CADPS: variants seen among roughly 807,000 people sequenced by gnomAD.
CADPS encodes calcium dependent secretion activator, also known as calcium-dependent secretion activator 1.
CADPS carries 57 observed loss-of-function variants against 167.3 expected under a neutral mutation model. That is an observed-to-expected ratio of 0.34 (90% CI 0.28 to 0.42). The LOEUF (loss-of-function observed/expected upper bound fraction) is 0.42. CADPS is among the 20% of genes least tolerant of loss of function. CADPS has a pLI of 1.00. For missense variants in CADPS, 1,414 were observed against 1,738.1 expected (o/e 0.81, Z 3.32); for synonymous variants, 676 against 635.3 (o/e 1.06, Z -0.96).
chr3:62,513,429 C>T (rs2068294145), intron 16 of CADPS, among the ~76,000 whole-genome samples: 1 of 151,884 alleles, frequency 6.6e-6, no homozygotes, highest in South Asian at 2.1e-4. Context: ...GAGTTTATCA[C>T]AAACAAATGG....
chr3:62,845,026 G>T (rs1488746669), intron 1 of CADPS, among the ~76,000 whole-genome samples: 2 of 152,184 alleles, frequency 1.3e-5, no homozygotes, highest in Non-Finnish European at 2.9e-5. Flanking sequence ...ACGGAAACTC[G>T]TCATCACAGG....
chr3:62,837,779 G>A (rs981103425), intron 1 of CADPS, among the ~76,000 whole-genome samples: 2 of 152,160 alleles, frequency 1.3e-5, no homozygotes, highest in Non-Finnish European at 2.9e-5. Context: ...TAGCTGAGTT[G>A]ACTTGGGGTA....
chr3:62,595,097 T>C (rs1211652346), intron 6 of CADPS, among the ~76,000 whole-genome samples: 1 of 152,124 alleles, frequency 6.6e-6, no homozygotes, highest in Non-Finnish European at 1.5e-5. Context: ...TAAATCCTAT[T>C]AACTCAAAGA....
At chr3:62,841,522 T>C (rs897878165) in intron 1 of CADPS, among the ~76,000 whole-genome samples, 2 of 152,042 alleles carry the variant, frequency 1.3e-5, no homozygotes, top group African/African-American at 4.8e-5. Flanking sequence ...TCAAGACCAG[T>C]CTAGGCAACA....
chr3:62,748,519 G>C (rs1044726332), intron 3 of CADPS, among the ~76,000 whole-genome samples: 4 of 152,036 alleles, frequency 2.6e-5, no homozygotes, highest in African/African-American at 9.7e-5. Flanking sequence ...TGGTACAACT[G>C]AGAATCAAAT....
intron 1 of CADPS, among the ~76,000 whole-genome samples, chr3:62,846,528 TAC>T (rs1279685976): frequency 1.3e-5 from 2 of 152,170 alleles, no homozygotes; most frequent in African/African-American, 4.8e-5. Context: ...TGGTCTGAAG[TAC>T]AGTCATGAGG....
chr3:62,583,155 GTCTC>G (rs61474581), intron 8 of CADPS, among the ~76,000 whole-genome samples: 2,150 of 147,248 alleles, frequency 0.015, 36 homozygotes, highest in South Asian at 0.042. Flanking sequence ...TACCCTCTTT[GTCTC>G]TCTCTCTCTC....
In CADPS at chr3:62,458,319, G is replaced by C. The variant is rs959863656; in HGVS notation, c.3636+7048C>G. On this transcript the variant is annotated intron_variant, in intron 26 of 29. Transcript: ENST00000383710. The surrounding 1 kb of genome is among the most constrained non-coding windows in gnomAD (Gnocchi z 4.6). Reference sequence around the variant, plus strand: ...CAGAAACGGTCAATAGCCTGCCTACGTTTCTGTTAGTCTGGGCTTCACAGT... The same window carrying C: ...CAGAAACGGTCAATAGCCTGCCTACCTTTCTGTTAGTCTGGGCTTCACAGT... Among the ~76,000 whole-genome samples the C allele has an allele frequency of 6.6e-6, 1 of 152,018 alleles. No homozygotes were observed. The highest frequency in any genetic ancestry group is 1.5e-5 in the Non-Finnish European group (1 of 68,010).
At chr3:62,531,971 T>C (rs2073796133) in intron 13 of CADPS, among the ~76,000 whole-genome samples, 1 of 152,188 alleles carries the variant, frequency 6.6e-6, no homozygotes, top group Non-Finnish European at 1.5e-5. Flanking sequence ...TCTGGGCTTG[T>C]ATATAAAACC....
intron 28 of CADPS, among the ~76,000 whole-genome samples, chr3:62,437,151 G>A (rs2055263663): frequency 6.6e-6 from 1 of 152,018 alleles, no homozygotes; most frequent in East Asian, 1.9e-4. Context: ...AGGAGCTCAC[G>A]TTTCACAAGA....
intron 6 of CADPS, among the ~76,000 whole-genome samples, chr3:62,632,643 T>C (rs2065503000): frequency 6.6e-6 from 1 of 152,130 alleles, no homozygotes; most frequent in Admixed American, 6.6e-5. Flanking sequence ...GGACTCACTG[T>C]AGGTTATTTC....
chr3:62,538,913 G>A (rs1382039686), intron 11 of CADPS, among the ~76,000 whole-genome samples: 1 of 152,064 alleles, frequency 6.6e-6, no homozygotes, highest in East Asian at 1.9e-4. Context: ...CCACCCCTCA[G>A]TCCATCACAA....
Position 62,433,666 on chromosome 3 carries a change from A to G in CADPS, c.3777+4438T>C, listed in dbSNP as rs970134287. On this transcript the variant is annotated intron_variant, in intron 28 of 29. Coordinates refer to ENST00000383710, the MANE Select transcript of CADPS (RefSeq NM_003716.4). The surrounding 1 kb of genome is among the most constrained non-coding windows in gnomAD (Gnocchi z 4.7). ...CATCCAAGTTCGAGATGGCTTTTTA[A>G]TCACTCATCTCCGAGCCTGTGAGGT... 6.6e-6 allele frequency among the ~76,000 whole-genome samples: 1 copy of G among 152,160 alleles called. No individual in the cohort carries two copies. The highest frequency in any genetic ancestry group is 2.4e-5 in the African/African-American group (1 of 41,446).
At chr3:62,541,412 G>C (rs949621014) in intron 11 of CADPS, among the ~76,000 whole-genome samples, 7 of 152,154 alleles carry the variant, frequency 4.6e-5, no homozygotes, top group Admixed American at 4.6e-4. Context: ...GGGCATAGGA[G>C]ACTGACTTCA....
intron 6 of CADPS, among the ~76,000 whole-genome samples, chr3:62,632,480 C>T (rs2065470950): frequency 6.6e-6 from 1 of 152,088 alleles, no homozygotes. Context: ...GCGGTTTTAT[C>T]TGTTGGGAAG....
intron 1 of CADPS, among the ~76,000 whole-genome samples, chr3:62,773,520 G>C (rs909663106): frequency 2.0e-5 from 3 of 152,020 alleles, no homozygotes; most frequent in Non-Finnish European, 4.4e-5. Flanking sequence ...TTTGGAACAT[G>C]GTTTCCCAAA....
At chr3:62,755,413 G>A (rs1195508488) in intron 2 of CADPS, among the ~76,000 whole-genome samples, 3 of 152,320 alleles carry the variant, frequency 2.0e-5, no homozygotes, top group South Asian at 2.1e-4. Context: ...TCACGGAGAG[G>A]AAGCATCTGA....
chr3:62,497,016 G>T (rs986704590), intron 18 of CADPS, among the ~76,000 whole-genome samples: 1 of 152,162 alleles, frequency 6.6e-6, no homozygotes, highest in South Asian at 2.1e-4. Context: ...TGGGAATTGA[G>T]TTGATGTCTA....
intron 6 of CADPS, among the ~76,000 whole-genome samples, chr3:62,630,657 T>C (rs2065103669): frequency 1.3e-5 from 2 of 152,154 alleles, no homozygotes; most frequent in African/African-American, 2.4e-5. Flanking sequence ...GCAGTTTCTT[T>C]TTAAAGTAAG....
Sources: gnomAD v4.1 joint callset for allele counts (sites outside exome capture counted in the v4.1 genomes callset) on GRCh38, gnomAD v4.1.1 for gene constraint, Gnocchi (gnomAD v3.1) non-coding constraint, MANE v1.5 for transcripts, NCBI Gene and HGNC (gene_info 2026-07-23, HGNC 2026-07-21) for gene names.